The following TRPM3 variants were observed in gnomAD, a reference collection of about 807,000 sequenced individuals.
The protein encoded by TRPM3 is long transient receptor potential channel 3.
Under a neutral mutation model 181.2 loss-of-function variants are expected in TRPM3, and 77 were observed. The ratio of observed to expected loss-of-function variants is 0.42; its 90% CI spans 0.35 to 0.51. The LOEUF (loss-of-function observed/expected upper bound fraction) is 0.51. Among genes scored for constraint, TRPM3 ranks in the 20% least tolerant of loss-of-function variants. TRPM3 has a pLI of 0.01. For synonymous variants in TRPM3, 745 were observed against 796.4 expected (o/e 0.94, Z 1.09); for missense variants, 1,759 against 2,196.7 (o/e 0.80, Z 3.98).
chr9:71,037,858 A>C (rs1320940015), intron 1 of TRPM3, among the ~76,000 whole-genome samples: 1 of 152,214 alleles, frequency 6.6e-6, no homozygotes, highest in Non-Finnish European at 1.5e-5. Context: ...TAAGAGTCCT[A>C]ATCAAGAAAA....
At chr9:70,608,420 A>G (rs1480967990) in intron 19 of TRPM3, among the ~76,000 whole-genome samples, 1 of 152,200 alleles carries the variant, frequency 6.6e-6, no homozygotes, top group East Asian at 1.9e-4. Flanking sequence ...GCAGGCCACA[A>G]TCACAGGCCA....
rs78496715 is a variant in TRPM3 at position 71,244,129 on chromosome 9, G to C, written c.183+202524C>G. On this transcript the variant is annotated intron_variant, in intron 1 of 24. Transcript: ENST00000357533. ...TGAAGATACTAGAAGTGGGAACAAGGGCATTTAGACAAAAGGTCCCAGGAA... is the reference window on the plus strand; with the variant it reads ...TGAAGATACTAGAAGTGGGAACAAGCGCATTTAGACAAAAGGTCCCAGGAA... 2.7e-4 allele frequency among the ~76,000 whole-genome samples: 41 copies of C among 152,200 alleles called. 1 individual carries two copies. In the East Asian group the frequency reaches 7.7e-3, roughly 29 times the overall value.
chr9:70,846,631 G>T, intron 3 of TRPM3, 40 bp from the exon 4 acceptor site: 1 of 1,538,296 alleles, frequency 6.5e-7, no homozygotes, highest in Non-Finnish European at 9.0e-7. Context: ...GACAAGGCAG[G>T]ACTGGCTGAG....
intron 1 of TRPM3, among the ~76,000 whole-genome samples, chr9:71,159,689 G>A (rs2076184701): frequency 6.6e-6 from 1 of 151,922 alleles, no homozygotes; most frequent in African/African-American, 2.4e-5. Flanking sequence ...ATGCAACGTG[G>A]GTATATGTCA....
At chr9:71,075,286 C>A (rs1360740037) in intron 1 of TRPM3, among the ~76,000 whole-genome samples, 2 of 152,184 alleles carry the variant, frequency 1.3e-5, no homozygotes, top group Admixed American at 1.3e-4. Context: ...TCGAGCCTTT[C>A]ACCAACAAGA....
At chr9:70,903,336 G>A (rs979929543) in intron 1 of TRPM3, among the ~76,000 whole-genome samples, 1 of 152,168 alleles carries the variant, frequency 6.6e-6, no homozygotes, top group African/African-American at 2.4e-5. Flanking sequence ...AATACACAGA[G>A]AAATGAGTGA....
rs117383748 is a variant in TRPM3, at chr9:71,037,081, C to T, written c.177+84097G>A. 5.2e-3 allele frequency among the ~76,000 whole-genome samples: 785 copies of T among 152,226 alleles called. 19 individuals are homozygous for T. The East Asian group carries it at 0.078, about 15-fold the overall frequency. On this transcript the variant is annotated intron_variant, in intron 1 of 25. Transcript: ENST00000677713. ...AGTAAAAGTAACAGTAGCAAAACTA[C>T]AAAAAGCATCTCATATGAAGTGTGT...
chr9:70,969,487 A>T (rs1441759179), intron 1 of TRPM3, among the ~76,000 whole-genome samples: 1 of 151,174 alleles, frequency 6.6e-6, no homozygotes, highest in Non-Finnish European at 1.5e-5. Context: ...TTAAATAATA[A>T]TGTGTTGGTC....
At chr9:70,987,420 A>G (rs151171613) in intron 1 of TRPM3, among the ~76,000 whole-genome samples, 11 of 152,306 alleles carry the variant, frequency 7.2e-5, no homozygotes, top group Non-Finnish European at 1.2e-4. Context: ...TATGTGGTCT[A>G]TTTGATGTAG....
intron 12 of TRPM3, among the ~76,000 whole-genome samples, chr9:70,634,689 T>C (rs1461818018): frequency 6.6e-6 from 1 of 152,054 alleles, no homozygotes; most frequent in Admixed American, 6.6e-5. Flanking sequence ...TCCCATCTAA[T>C]GAGATGAAAA....
chr9:71,184,379 A>T (rs1032864106), intron 1 of TRPM3, among the ~76,000 whole-genome samples: 2 of 152,128 alleles, frequency 1.3e-5, no homozygotes, highest in Non-Finnish European at 2.9e-5. Context: ...AGGAGTGTTA[A>T]CTTGAAGGAA....
chr9:71,269,042 C>T (rs1012323976), intron 1 of TRPM3, among the ~76,000 whole-genome samples: 2 of 152,016 alleles, frequency 1.3e-5, no homozygotes, highest in South Asian at 2.1e-4. Context: ...AGCAAGTACA[C>T]GGGGGCGGGC....
At chr9:71,243,278 C>T (rs897163127) in intron 1 of TRPM3, among the ~76,000 whole-genome samples, 4 of 152,092 alleles carry the variant, frequency 2.6e-5, no homozygotes, top group African/African-American at 9.7e-5. Context: ...CTGACCTCAG[C>T]CTCTCAAAGT....
chr9:70,643,193 T>C lies in TRPM3; in HGVS notation c.1346-2533A>G, dbSNP rs374641890. Among the ~76,000 whole-genome samples the C allele has an allele frequency of 1.4e-3, 209 of 152,306 alleles. 3 individuals are homozygous for C. In the South Asian group the frequency reaches 0.02, roughly 14 times the overall value. ...CATACACAAGTGATAAGTAGAAATG[T>C]GTCAAAATGTTCTGTCATCAATTTG... On this transcript the variant is annotated intron_variant, in intron 9 of 25. Transcript: ENST00000677713.
intron 9 of TRPM3, among the ~76,000 whole-genome samples, chr9:70,653,780 A>T (rs141916052): frequency 1.9e-4 from 29 of 152,222 alleles, no homozygotes; most frequent in African/African-American, 7.0e-4. Context: ...TTACTAAAAA[A>T]TCTGGAGAAG....
chr9:71,278,016 G>A (rs1226614070), intron 1 of TRPM3, among the ~76,000 whole-genome samples: 6 of 152,126 alleles, frequency 3.9e-5, no homozygotes, highest in African/African-American at 1.4e-4. Flanking sequence ...TGTTCTAGTG[G>A]TCCTGTTATT....
At chr9:71,187,221 T>C (rs975179000) in intron 1 of TRPM3, among the ~76,000 whole-genome samples, 3 of 152,048 alleles carry the variant, frequency 2.0e-5, no homozygotes, top group African/African-American at 7.2e-5. Flanking sequence ...CCCTCATTTC[T>C]AATTGGTTAA....
chr9:71,081,524 G>T (rs992078278), intron 1 of TRPM3, among the ~76,000 whole-genome samples: 1 of 152,162 alleles, frequency 6.6e-6, no homozygotes, highest in Admixed American at 6.6e-5. Context: ...GAAGTTTTTT[G>T]AGAGACATAG....
chr9:70,934,972 A>C (rs2096812982), intron 1 of TRPM3, among the ~76,000 whole-genome samples: 1 of 152,198 alleles, frequency 6.6e-6, no homozygotes, highest in Non-Finnish European at 1.5e-5. Flanking sequence ...GGCCTTTTCC[A>C]TAGTAGCAAG....
Sources: gnomAD v4.1 joint callset for allele counts (sites outside exome capture counted in the v4.1 genomes callset) on GRCh38, gnomAD v4.1.1 for gene constraint, MANE v1.5 for transcripts, NCBI Gene and HGNC (gene_info 2026-07-23, HGNC 2026-07-21) for gene names.